The following SYNE1 variants were observed in gnomAD, a reference collection of about 807,000 sequenced individuals.
SYNE1 encodes the protein nesprin-1.
A neutral mutation model predicts 1,111.0 loss-of-function variants in SYNE1; 616 were observed. That is an observed-to-expected ratio of 0.55 (90% confidence interval 0.52 to 0.59). The LOEUF is 0.59. SYNE1 is among the 20% of genes least tolerant of loss of function. The pLI is 0.00. For missense variants in SYNE1, 10,006 were observed against 10,417.0 expected, an observed-to-expected ratio of 0.96 and a Z score of 1.72; for synonymous variants, 3,855 against 3,825.8, an observed-to-expected ratio of 1.01 and a Z score of -0.28.
At chr6:152,430,249 GAT>G in intron 35 of SYNE1, 39 bp from the exon 36 acceptor site, 1 of 1,505,580 alleles carries the variant, frequency 6.6e-7, no homozygotes, top group East Asian at 2.3e-5. Flanking sequence ...CAGTGGGAAA[GAT>G]ACATAGCAAG....
At chr6:152,140,992 G>A (rs938445331) in intron 139 of SYNE1, among the ~76,000 whole-genome samples, 5 of 152,078 alleles carry the variant, frequency 3.3e-5, no homozygotes, top group African/African-American at 1.2e-4. Flanking sequence ...CCGAGATAGC[G>A]CCACTGCACT....
At chr6:152,304,017 GCAGT>G (rs34040258) in intron 91 of SYNE1, among the ~76,000 whole-genome samples, 23,151 of 152,152 alleles carry the variant, frequency 0.15, 2,140 homozygotes, top group South Asian at 0.26. Context: ...CAGCCAGCAG[GCAGT>G]CAGTCTTCTT....
chr6:152,131,224 G>A (rs933231776), intron 144 of SYNE1, among the ~76,000 whole-genome samples: 11 of 151,004 alleles, frequency 7.3e-5, no homozygotes, highest in African/African-American at 2.2e-4. Context: ...TAGTGATGAA[G>A]CCCAACTTAA....
intron 12 of SYNE1, among the ~76,000 whole-genome samples, chr6:152,487,335 T>C (rs1005020066): frequency 3.3e-5 from 5 of 152,240 alleles, no homozygotes; most frequent in African/African-American, 1.2e-4. Flanking sequence ...TTGCTGAGGA[T>C]AATGACTTCC....
At chr6:152,550,095 A>G (rs2099332718) in intron 3 of SYNE1, among the ~76,000 whole-genome samples, 1 of 152,236 alleles carries the variant, frequency 6.6e-6, no homozygotes, top group Non-Finnish European at 1.5e-5. Flanking sequence ...AGATACTGGC[A>G]GTACCCTACA....
chr6:152,288,139 T>C (rs979579083), intron 95 of SYNE1, among the ~76,000 whole-genome samples: 2 of 146,450 alleles, frequency 1.4e-5, no homozygotes, highest in Non-Finnish European at 3.0e-5. Flanking sequence ...TTTTTTTTTT[T>C]ACACTGATCC....
chr6:152,400,830 C>T (rs17082632), intron 47 of SYNE1, among the ~76,000 whole-genome samples: 1 of 151,866 alleles, frequency 6.6e-6, no homozygotes, highest in Non-Finnish European at 1.5e-5. Context: ...GTGGAAGTCA[C>T]ATAGTTCTTC....
Position 152,136,729 on chromosome 6 carries a change from C to T in SYNE1, c.25548G>A (p.Glu8516=). 6.2e-7 allele frequency: 1 copy of T among 1,614,250 alleles called. No homozygotes were observed. The highest frequency in any genetic ancestry group is 8.5e-7 in the Non-Finnish European group (1 of 1,180,062). The change falls in exon 141 of 146, where the codon GAG becomes GAA. Residue 8516 remains glutamate (E), a synonymous_variant. Transcript: ENST00000367255. ...SPEFTQADSK[E]SRDLQDRLSQ... is the part of the protein sequence containing the mutation. ...ACAAGCGATCCTGCAGGTCCCGGCTCTCCTTGCTGTCAGCCTGGGTGAACT... is the reference window on the plus strand; with the variant it reads ...ACAAGCGATCCTGCAGGTCCCGGCTTTCCTTGCTGTCAGCCTGGGTGAACT...
At chr6:152,498,853 A>T in intron 10 of SYNE1, 61 bp from the exon 11 acceptor site, 1 of 1,006,558 alleles carries the variant, frequency 9.9e-7, no homozygotes, top group South Asian at 2.2e-5. Flanking sequence ...AAAATTATTT[A>T]GAAAACAAGA....
intron 91 of SYNE1, among the ~76,000 whole-genome samples, chr6:152,303,213 T>C (rs1214716538): frequency 6.7e-6 from 1 of 150,338 alleles, no homozygotes; most frequent in Non-Finnish European, 1.5e-5. Flanking sequence ...TAGCACTTTG[T>C]GAGGCTGAGA....
At position 152,268,178 on chromosome 6, in the gene SYNE1, A is replaced by G; in HGVS notation, c.18706-13T>C. The G allele has an allele frequency of 6.2e-7, 1 of 1,602,366 alleles. No homozygotes were observed. Among genetic ancestry groups the G allele is most frequent in the Non-Finnish European group, 8.6e-7 (1 of 1,169,222 alleles). ...CCTGTTCTAACTCCTGCTCAAGGGA[A>G]AGGACAAACGCAAACACATTTGCTA... On this transcript the variant is annotated splice_polypyrimidine_tract_variant and intron_variant, in intron 99 of 145. Transcript: ENST00000367255.
chr6:152,636,690 G>A lies in SYNE1; in HGVS notation c.-276C>T, dbSNP rs892710107. On this transcript the variant is annotated 5_prime_UTR_variant, in exon 2 of 146. Coordinates refer to ENST00000367255, the MANE Select transcript of SYNE1 (RefSeq NM_182961.4). ...CAGCAGCAAGGCGAAGCGAGCGAACGCTTCCTCCCGGCTCTCTGCGCCCAG... is the reference window on the plus strand; with the variant it reads ...CAGCAGCAAGGCGAAGCGAGCGAACACTTCCTCCCGGCTCTCTGCGCCCAG... The A allele has an allele frequency of 1.3e-5, 2 of 152,400 alleles. No individual in the cohort carries two copies. The highest frequency in any genetic ancestry group is 2.9e-5 in the Non-Finnish European group (2 of 68,120). The allele number at this position is 152,400 out of a possible 1,614,324, so 9.4% of individuals were successfully genotyped here.
chr6:152,627,278 TAAATG>T (rs2099687613), intron 3 of SYNE1, among the ~76,000 whole-genome samples: 1 of 152,184 alleles, frequency 6.6e-6, no homozygotes, highest in African/African-American at 2.4e-5. Context: ...TATTGAAACA[TAAATG>T]TAAAGAAAAT....
At chr6:152,595,412 A>G (rs2099578164) in intron 3 of SYNE1, among the ~76,000 whole-genome samples, 1 of 152,190 alleles carries the variant, frequency 6.6e-6, no homozygotes, top group Non-Finnish European at 1.5e-5. Context: ...TTATTTACTC[A>G]GCCTGGAATG....
chr6:152,558,559 T>C (rs2099383425), intron 3 of SYNE1, among the ~76,000 whole-genome samples: 1 of 152,162 alleles, frequency 6.6e-6, no homozygotes, highest in South Asian at 2.1e-4. Flanking sequence ...TATCGCACAA[T>C]GTAGATTTTA....
chr6:152,543,062 A>T (rs2099279479), intron 3 of SYNE1, among the ~76,000 whole-genome samples: 1 of 152,120 alleles, frequency 6.6e-6, no homozygotes, highest in Non-Finnish European at 1.5e-5. Context: ...ACTTCTTAAT[A>T]TAAATTGTTA....
intron 14 of SYNE1, among the ~76,000 whole-genome samples, chr6:152,475,380 C>T (rs1328808776): frequency 6.6e-6 from 1 of 152,176 alleles, no homozygotes; most frequent in Non-Finnish European, 1.5e-5. Context: ...GTGCTCAGAA[C>T]ACTCACATTA....
In SYNE1 at chr6:152,352,181, A is replaced by G. The variant is rs1259371636; in HGVS notation, c.11426T>C (p.Met3809Thr). The G allele has an allele frequency of 2.5e-6, 4 of 1,614,130 alleles. No homozygotes were observed. Among genetic ancestry groups the G allele is most frequent in the Non-Finnish European group, 3.4e-6 (4 of 1,180,026 alleles). ...TAAATGAAGACCTTTTTCCAGCGTCATGTGTTCTTTCCGGACAGTGCTGGT... is the reference window on the plus strand; with the variant it reads ...TAAATGAAGACCTTTTTCCAGCGTCGTGTGTTCTTTCCGGACAGTGCTGGT... ...ELTSTVRKEH[M>T]TLEKGLHLAK... Residue 3809 changes from methionine to threonine, a missense_variant, in exon 70 of 146, where the codon ATG (methionine) becomes ACG (threonine). Physicochemically the swap from Met to Thr is moderately conservative, Grantham distance 81. This residue lies in a region of SYNE1 where 4,955 missense variants were observed against 5,017.2 expected (regional missense o/e 0.99). Transcript: ENST00000367255.
rs652846 is a variant in SYNE1, at chr6:152,256,132, A to G, written c.19105-386T>C. Among the ~76,000 whole-genome samples, 1,220 of 152,186 alleles carry G rather than the reference A, an allele frequency of 8.0e-3. 12 individuals are homozygous for G. Among genetic ancestry groups the G allele is most frequent in the South Asian group, 0.032 (152 of 4,812 alleles). On this transcript the variant is annotated intron_variant, in intron 102 of 145. Transcript: ENST00000367255. ...TAAAATAAAATAAAAAACAGGAAAC[A>G]GGATGGGGCCAGGCGCGGTGGCTCG...
Sources: allele counts gnomAD v4.1 joint callset (sites outside exome capture counted in the v4.1 genomes callset), GRCh38; gene constraint gnomAD v4.1.1; regional missense constraint gnomAD v4.1.1; transcripts MANE v1.5; gene names NCBI Gene and HGNC (gene_info 2026-07-23, HGNC 2026-07-21).